The following KCTD8 variants were observed in gnomAD, a reference collection of about 807,000 sequenced individuals.
KCTD8 encodes potassium channel tetramerization domain containing 8.
KCTD8 carries 27 observed loss-of-function variants against 31.5 expected under a neutral mutation model. The ratio of observed to expected loss-of-function variants is 0.86; its 90% CI spans 0.63 to 1.18. The LOEUF (loss-of-function observed/expected upper bound fraction) is 1.18. Among genes scored for constraint, KCTD8 ranks in the 50% most tolerant of loss-of-function variants. The pLI, the probability that KCTD8 is intolerant of heterozygous loss-of-function variation, is 0.00. For synonymous variants in KCTD8, 290 were observed against 280.0 expected (o/e 1.04, Z -0.36); for missense variants, 658 against 647.7 (o/e 1.02, Z -0.17).
intron 1 of KCTD8, among the ~76,000 whole-genome samples, chr4:44,334,160 A>T (rs1257284527): frequency 6.6e-6 from 1 of 152,130 alleles, no homozygotes; most frequent in Non-Finnish European, 1.5e-5. Context: ...TATTCCAGTG[A>T]ACCACTGAAT....
intron 1 of KCTD8, among the ~76,000 whole-genome samples, chr4:44,390,740 T>C (rs1356944802): frequency 6.6e-6 from 1 of 151,982 alleles, no homozygotes; most frequent in African/African-American, 2.4e-5. Flanking sequence ...ATAACAGATG[T>C]TGGCATGGTG....
rs1713127256 is a variant in KCTD8, at chr4:44,174,196, T to TA, written c.*593dup. 6.6e-6 allele frequency: 1 copy of TA among 152,630 alleles called. No individual in the cohort carries two copies. Among genetic ancestry groups the TA allele is most frequent in the African/African-American group, 2.4e-5 (1 of 41,436 alleles). The allele number at this position is 152,630 out of a possible 1,614,324, so 9.5% of individuals were successfully genotyped here. A position where few individuals can be genotyped will look rare whatever the true frequency, so the allele number is the denominator to read the frequency against. On this transcript the variant is annotated 3_prime_UTR_variant, in exon 2 of 2. Transcript: ENST00000360029. ...AGAAAATTCAATCTCCTAGACAGCT[T>TA]ACATTTATAGGCTTTGTCTAAAACA...
At chr4:44,224,485 T>G (rs1460780023) in intron 1 of KCTD8, among the ~76,000 whole-genome samples, 2 of 152,148 alleles carry the variant, frequency 1.3e-5, no homozygotes, top group African/African-American at 4.8e-5. Context: ...CCATCTGCGT[T>G]TGTTAGGATA....
chr4:44,306,697 T>C (rs1717814198), intron 1 of KCTD8, among the ~76,000 whole-genome samples: 1 of 151,998 alleles, frequency 6.6e-6, no homozygotes, highest in South Asian at 2.1e-4. Context: ...GTCCTGAACA[T>C]GTTCTGTCTA....
intron 1 of KCTD8, among the ~76,000 whole-genome samples, chr4:44,196,832 A>C (rs745393799): frequency 1.3e-5 from 2 of 152,142 alleles, no homozygotes; most frequent in African/African-American, 4.8e-5. Flanking sequence ...CAGAGGCAAC[A>C]CTCAAGAATA....
At chr4:44,264,585 T>C (rs1335370155) in intron 1 of KCTD8, among the ~76,000 whole-genome samples, 1 of 152,156 alleles carries the variant, frequency 6.6e-6, no homozygotes, top group African/African-American at 2.4e-5. Flanking sequence ...AGGCGAGGCA[T>C]TGCCTCACTC....
chr4:44,225,397 A>C (rs1055940587), intron 1 of KCTD8, among the ~76,000 whole-genome samples: 3 of 152,244 alleles, frequency 2.0e-5, no homozygotes, highest in Non-Finnish European at 2.9e-5. Context: ...TTATTGGAAC[A>C]CAGTTATGTC....
chr4:44,424,447 T>C lies in KCTD8; in HGVS notation c.961+23116A>G, dbSNP rs566193432. 7.2e-5 allele frequency among the ~76,000 whole-genome samples: 11 copies of C among 152,192 alleles called. No individual in the cohort carries two copies. In the South Asian group the frequency reaches 1.2e-3, roughly 17 times the overall value. On this transcript the variant is annotated intron_variant, in intron 1 of 1. Transcript: ENST00000360029. ...TCTCTGTCAACCAATTTCACCTCTA[T>C]ACTTAATGACAGAAATTAGTACAGA... is the stretch of plus-strand genomic sequence containing the variant.
chr4:44,323,508 C>CCA (rs1553901406), intron 1 of KCTD8, among the ~76,000 whole-genome samples: 3 of 136,398 alleles, frequency 2.2e-5, no homozygotes, highest in East Asian at 2.3e-4. Flanking sequence ...CCACCCCCCC[C>CCA]CAAAAAAAAT....
intron 1 of KCTD8, among the ~76,000 whole-genome samples, chr4:44,220,278 G>A (rs1173596626): frequency 6.6e-6 from 1 of 152,148 alleles, no homozygotes; most frequent in Non-Finnish European, 1.5e-5. Context: ...CAGTAAAAGA[G>A]GCAAGTCTGG....
At chr4:44,401,896 T>C (rs1720673935) in intron 1 of KCTD8, among the ~76,000 whole-genome samples, 1 of 152,182 alleles carries the variant, frequency 6.6e-6, no homozygotes, top group Non-Finnish European at 1.5e-5. Context: ...CTATTTTTTA[T>C]AGTGCCAAGA....
intron 1 of KCTD8, among the ~76,000 whole-genome samples, chr4:44,179,486 T>C (rs1713313466): frequency 6.7e-6 from 1 of 148,950 alleles, no homozygotes; most frequent in African/African-American, 2.4e-5. Context: ...ACATATAACA[T>C]ATATTCATGT....
intron 1 of KCTD8, among the ~76,000 whole-genome samples, chr4:44,303,349 T>C (rs1260222709): frequency 1.3e-5 from 2 of 152,168 alleles, no homozygotes; most frequent in East Asian, 3.9e-4. Flanking sequence ...CATCTGGTCC[T>C]GGACTCTTTT....
intron 1 of KCTD8, among the ~76,000 whole-genome samples, chr4:44,393,776 A>G (rs1435721901): frequency 6.6e-6 from 1 of 151,974 alleles, no homozygotes. Flanking sequence ...CTCATTAGGC[A>G]TTCTCTCAAC....
At chr4:44,176,227 G>A (rs1179387789) in intron 1 of KCTD8, among the ~76,000 whole-genome samples, 2 of 152,152 alleles carry the variant, frequency 1.3e-5, no homozygotes, top group Non-Finnish European at 2.9e-5. Context: ...AGAATCAGGA[G>A]GAAGGCATCA....
chr4:44,208,006 C>T (rs1346145927), intron 1 of KCTD8, among the ~76,000 whole-genome samples: 2 of 152,146 alleles, frequency 1.3e-5, no homozygotes, highest in African/African-American at 2.4e-5. Flanking sequence ...TATTTGGTGA[C>T]ATCAGAACTT....
At chr4:44,425,494 A>G (rs1721322894) in intron 1 of KCTD8, among the ~76,000 whole-genome samples, 1 of 152,044 alleles carries the variant, frequency 6.6e-6, no homozygotes, top group Non-Finnish European at 1.5e-5. Flanking sequence ...TTTTACCAAT[A>G]AAAGTGCGAG....
intron 1 of KCTD8, among the ~76,000 whole-genome samples, chr4:44,220,104 C>T (rs1714764897): frequency 6.6e-6 from 1 of 151,986 alleles, no homozygotes; most frequent in African/African-American, 2.4e-5. Context: ...TGAATAAAGC[C>T]CTCCTTTATA....
At chr4:44,408,014 C>T (rs753719905) in intron 1 of KCTD8, among the ~76,000 whole-genome samples, 4 of 152,094 alleles carry the variant, frequency 2.6e-5, no homozygotes, top group Admixed American at 1.3e-4. Flanking sequence ...TGACACTTTT[C>T]GTTACCCTTC....
Sources: gnomAD v4.1 joint callset for allele counts (sites outside exome capture counted in the v4.1 genomes callset) on GRCh38, gnomAD v4.1.1 for gene constraint, MANE v1.5 for transcripts, NCBI Gene and HGNC (gene_info 2026-07-23, HGNC 2026-07-21) for gene names.